CEP152: variants seen among roughly 807,000 people sequenced by gnomAD.
CEP152 encodes the protein centrosomal protein of 152 kDa.
A neutral mutation model predicts 188.9 loss-of-function variants in CEP152; 132 were observed. That is an observed-to-expected ratio of 0.70 (90% CI 0.61 to 0.81). CEP152 has a LOEUF of 0.81. CEP152 is among the 30% of genes least tolerant of loss of function. The pLI is 0.00. For missense variants in CEP152, 1,914 were observed against 1,969.8 expected (o/e 0.97, Z 0.54); for synonymous variants, 649 against 666.6 (o/e 0.97, Z 0.41).
downstream of CEP152, among the ~76,000 whole-genome samples, chr15:48,733,635 G>T (rs114100916): frequency 6.1e-3 from 924 of 152,186 alleles, 8 homozygotes; most frequent in African/African-American, 0.021. Context: ...TGCCTAAATT[G>T]TATTAAAAGG....
At chr15:48,802,220 AATT>A (rs1487204173) in intron 2 of CEP152, among the ~76,000 whole-genome samples, 1 of 152,214 alleles carries the variant, frequency 6.6e-6, no homozygotes, top group African/African-American at 2.4e-5. Flanking sequence ...AGAGCTTCTG[AATT>A]ATTTTCTGGG....
rs918499948 is a variant in CEP152 at position 48,782,289 on chromosome 15, A to G, written c.1322-59T>C. 3.7e-5 allele frequency: 53 copies of G among 1,440,346 alleles called. 1 individual carries two copies. In the Admixed American group the frequency reaches 4.9e-4, roughly 13 times the overall value. 89.2% of individuals were successfully genotyped at this position (1,440,346 alleles called of 1,614,324 possible). ...AAATTAAGGGGACAAAGTGCTTATGATCTACAGAAGACTTGAATCCACTGA... is the reference window on the plus strand; with the variant it reads ...AAATTAAGGGGACAAAGTGCTTATGGTCTACAGAAGACTTGAATCCACTGA... On this transcript the variant is annotated intron_variant, in intron 10 of 26. Coordinates refer to ENST00000380950, the MANE Select transcript of CEP152 (RefSeq NM_001194998.2).
chr15:48,757,595 C>G (rs1894370248), intron 19 of CEP152, among the ~76,000 whole-genome samples: 1 of 152,140 alleles, frequency 6.6e-6, no homozygotes, highest in Non-Finnish European at 1.5e-5. Flanking sequence ...TCAAAGAAGG[C>G]ACAAGGACGC....
chr15:48,769,208 C>A (rs1036576166), intron 13 of CEP152, 127 bp from the exon 14 acceptor site: 3 of 707,002 alleles, frequency 4.2e-6, no homozygotes, highest in Admixed American at 2.8e-5. Context: ...TACTCATCTT[C>A]CCCCAATATA....
chr15:48,767,215 C>T (rs202015830), intron 16 of CEP152, 23 bp from the exon 17 acceptor site: 179 of 1,613,728 alleles, frequency 1.1e-4, no homozygotes, highest in Non-Finnish European at 1.4e-4. Context: ...AAACCAGCAA[C>T]TAAATGATTT....
chr15:48,809,906 C>A (rs375670794), intron 1 of CEP152, among the ~76,000 whole-genome samples: 1 of 152,314 alleles, frequency 6.6e-6, no homozygotes, highest in African/African-American at 2.4e-5. Context: ...ATAATGCAAC[C>A]TCCTATGGAA....
chr15:48,776,429 T>C (rs1314548697), intron 12 of CEP152, among the ~76,000 whole-genome samples: 1 of 152,114 alleles, frequency 6.6e-6, no homozygotes, highest in Non-Finnish European at 1.5e-5. Flanking sequence ...TGGGTAATAA[T>C]GTAAACTTTA....
intron 19 of CEP152, 73 bp from the exon 20 acceptor site, chr15:48,756,626 AT>A: frequency 6.9e-7 from 1 of 1,439,764 alleles, no homozygotes; most frequent in Non-Finnish European, 9.6e-7. Flanking sequence ...TAAGGTAACT[AT>A]TTTGGTTAAC....
In CEP152 at chr15:48,772,500, C is replaced by T. The variant is rs76252090; in HGVS notation, c.1769G>A (p.Ser590Asn). Reference protein sequence around the residue: ...DLHQVKKDEKSIEVETKTDTS... With the variant: ...DLHQVKKDEKNIEVETKTDTS... ...GGCTTTACATACCTCAACCTCAATG[C>T]TTTTTTCATCCTTCTTCACTTGGTG... The change falls in exon 13 of 27, where the codon AGC (serine) becomes AAC (asparagine). Residue 590 changes from serine to asparagine, a missense_variant. Transcript: ENST00000380950. 1.2e-6 allele frequency: 2 copies of T among 1,612,524 alleles called. No homozygotes were observed. The highest frequency in any genetic ancestry group is 2.2e-5 in the South Asian group (2 of 91,076).
intron 14 of CEP152, 119 bp from the exon 15 acceptor site, chr15:48,768,447 C>T (rs2140761862): frequency 1.6e-6 from 1 of 632,618 alleles, no homozygotes; most frequent in Non-Finnish European, 2.8e-6. Flanking sequence ...CAATATTTGA[C>T]ATATTATTTT....
chr15:48,736,745 A>T (rs1436656081), downstream of CEP152, among the ~76,000 whole-genome samples: 3 of 152,228 alleles, frequency 2.0e-5, no homozygotes, highest in African/African-American at 7.2e-5. Context: ...AGGAGCAGAA[A>T]GCAAGAGAAC....
In CEP152 at chr15:48,756,184, G is replaced by A. The variant is rs748533734; in HGVS notation, c.3064C>T (p.Gln1022Ter). The A allele has an allele frequency of 6.8e-6, 11 of 1,613,926 alleles. No homozygotes were observed. Among genetic ancestry groups the A allele is most frequent in the Non-Finnish European group, 9.3e-6 (11 of 1,179,950 alleles). The change falls in exon 20 of 27, where the codon CAG becomes TAG. Residue 1022 changes from glutamine to a stop codon, truncating the protein, a stop_gained. Coordinates refer to ENST00000380950, the MANE Select transcript of CEP152 (RefSeq NM_001194998.2). LOFTEE classifies it high-confidence loss of function. ...KETELQTCLD[Q>*]SRREWTMQEA... ...TGCATAGTCCATTCTCTACGACTCT[G>A]GTCTAGACAAGTTTGTAATTCTGTC... is the stretch of plus-strand genomic sequence containing the variant.
chr15:48,730,774 A>C (rs1204165191), intron 2 of CEP152, among the ~76,000 whole-genome samples: 2 of 152,234 alleles, frequency 1.3e-5, no homozygotes, highest in Non-Finnish European at 2.9e-5. Context: ...ACAACAGTGG[A>C]GAAATCAGCA....
Position 48,797,283 on chromosome 15 carries a change from G to T in CEP152, c.540+18C>A. On this transcript the variant is annotated intron_variant, in intron 5 of 26. Transcript: ENST00000380950. ...TGTGCACACACACAAGTTCTTGAAA[G>T]TCAAGTTTTTACAATACCTGAAAAT... The T allele has an allele frequency of 6.2e-7, 1 of 1,613,522 alleles. No individual in the cohort carries two copies. The highest frequency in any genetic ancestry group is 8.5e-7 in the Non-Finnish European group (1 of 1,179,698).
rs137967275 is a variant in CEP152, at chr15:48,741,600, C to A, written c.4093+1G>T. 156 of 1,614,094 alleles carry A rather than the reference C, an allele frequency of 9.7e-5. 1 individual carries two copies. The East Asian group carries it at 3.4e-3, about 35-fold the overall frequency. On this transcript the variant is annotated splice_donor_variant, in intron 26 of 26. Coordinates refer to ENST00000380950, the MANE Select transcript of CEP152 (RefSeq NM_001194998.2). LOFTEE classifies it high-confidence loss of function. Reference sequence around the variant, plus strand: ...CCATTTGGCGACTCACTTTGACATACCTGACTGTGTAGTTTTGCTTTGGGA... The same window carrying A: ...CCATTTGGCGACTCACTTTGACATAACTGACTGTGTAGTTTTGCTTTGGGA...
At chr15:48,803,560 TAG>T (rs752819722) in intron 2 of CEP152, among the ~76,000 whole-genome samples, 16 of 152,232 alleles carry the variant, frequency 1.1e-4, no homozygotes, top group Non-Finnish European at 1.8e-4. Context: ...ATCATCATGT[TAG>T]AGTCAATTCA....
intron 12 of CEP152, among the ~76,000 whole-genome samples, chr15:48,779,535 T>G (rs1176245123): frequency 6.6e-6 from 1 of 152,212 alleles, no homozygotes; most frequent in Non-Finnish European, 1.5e-5. Flanking sequence ...TGATGCCTAA[T>G]ATATGTTAGA....
At chr15:48,776,483 A>G (rs1895914610) in intron 12 of CEP152, among the ~76,000 whole-genome samples, 1 of 152,112 alleles carries the variant, frequency 6.6e-6, no homozygotes, top group Non-Finnish European at 1.5e-5. Context: ...ATAAGTGCAC[A>G]CCCTCTAGCA....
chr15:48,788,954 C>T lies in CEP152; in HGVS notation c.1020G>A (p.Lys340=), dbSNP rs368904039. ...RTTEMALESL[K]QQLVDLHHSE... is the part of the protein sequence containing the mutation. ...AATGATGAAGGTCCACCAGCTGCTG[C>T]TTCAAGCTTTCCAGAGCCATTTCAG... Residue 340 remains lysine, a synonymous_variant, in exon 9 of 27, where the codon AAG becomes AAA. Coordinates refer to ENST00000380950, the MANE Select transcript of CEP152 (RefSeq NM_001194998.2). 1.2e-6 allele frequency: 2 copies of T among 1,614,074 alleles called. No homozygotes were observed. Among genetic ancestry groups the T allele is most frequent in the Admixed American group, 1.7e-5 (1 of 60,004 alleles).
Sources: gnomAD v4.1 joint callset for allele counts (sites outside exome capture counted in the v4.1 genomes callset) on GRCh38, gnomAD v4.1.1 for gene constraint, MANE v1.5 for transcripts, NCBI Gene and HGNC (gene_info 2026-07-23, HGNC 2026-07-21) for gene names.